Variants in DNM2 observed in about 807,000 individuals in gnomAD.
DNM2 encodes dynamin-2.
A neutral mutation model predicts 99.0 loss-of-function variants in DNM2; 15 were observed. The ratio of observed to expected loss-of-function variants is 0.15; its 90% CI spans 0.10 to 0.23. The LOEUF (loss-of-function observed/expected upper bound fraction) is 0.23, where lower values mean the gene tolerates loss of function less well. Ranked by LOEUF, DNM2 falls within the 10% of genes least tolerant of loss-of-function variation. The pLI is 1.00. For missense variants in DNM2, 742 were observed against 1,189.4 expected (o/e 0.62, Z 5.53); for synonymous variants, 525 against 481.2 (o/e 1.09, Z -1.19).
chr19:10,729,480 A>G (rs2069235259), intron 1 of DNM2, among the ~76,000 whole-genome samples: 1 of 152,116 alleles, frequency 6.6e-6, no homozygotes, highest in Admixed American at 6.6e-5. Context: ...GGTGTCCTGC[A>G]GTGGAATAGC....
intron 1 of DNM2, among the ~76,000 whole-genome samples, chr19:10,731,979 A>G (rs1284835655): frequency 5.5e-5 from 7 of 126,452 alleles, no homozygotes; most frequent in South Asian, 5.0e-4. Flanking sequence ...TTTGAGACGG[A>G]GTTTCGCTGT....
At chr19:10,722,456 C>G (rs7257661) in intron 1 of DNM2, among the ~76,000 whole-genome samples, 12,723 of 152,206 alleles carry the variant, frequency 0.084, 552 homozygotes, top group Middle Eastern at 0.11. Context: ...GGCATTCCCG[C>G]ACCCTAGCCT....
chr19:10,796,838 G>A lies in DNM2; in HGVS notation c.1197-542G>A, dbSNP rs1053637946. Among the ~76,000 whole-genome samples, 11 of 151,844 alleles carry A rather than the reference G, an allele frequency of 7.2e-5. No homozygotes were observed. Among genetic ancestry groups the A allele is most frequent in the Admixed American group, 6.5e-5 (1 of 15,270 alleles). On this transcript the variant is annotated intron_variant, in intron 9 of 20. Transcript: ENST00000389253. The surrounding 1 kb of genome is among the most constrained non-coding windows in gnomAD (Gnocchi z 5.6). ...AGGACGCGCCGGGCTCCCCCAACCCGCGCCAACGCCGCGGGCCTGGTTCCC... is the reference window on the plus strand; with the variant it reads ...AGGACGCGCCGGGCTCCCCCAACCCACGCCAACGCCGCGGGCCTGGTTCCC...
At chr19:10,753,461 TCTTC>T (rs2070275030) in intron 1 of DNM2, among the ~76,000 whole-genome samples, 2 of 140,696 alleles carry the variant, frequency 1.4e-5, no homozygotes, top group South Asian at 5.1e-4. Context: ...TTCCTTCTCT[TCTTC>T]CTTTCCTTTT....
Position 10,826,938 on chromosome 19 carries a change from C to T in DNM2, c.2058+1717C>T, listed in dbSNP as rs201507033. 1.5e-4 allele frequency among the ~76,000 whole-genome samples: 23 copies of T among 151,978 alleles called. No individual in the cohort carries two copies. In the East Asian group the frequency reaches 2.5e-3, roughly 17 times the overall value. On this transcript the variant is annotated intron_variant, in intron 18 of 20. Transcript: ENST00000389253. ...TATGAATGTCAACCACAGAAACCTG[C>T]GGATCTAAGTAAAACTCCCACACAG...
intron 1 of DNM2, among the ~76,000 whole-genome samples, chr19:10,748,422 C>T (rs1242997240): frequency 6.6e-6 from 1 of 152,154 alleles, no homozygotes; most frequent in Non-Finnish European, 1.5e-5. Flanking sequence ...TTTCTCCCCT[C>T]CCTGCCCTTT....
At chr19:10,798,144 C>T (rs1378316654) in intron 10 of DNM2, among the ~76,000 whole-genome samples, 7 of 152,176 alleles carry the variant, frequency 4.6e-5, no homozygotes, top group Non-Finnish European at 8.8e-5. Context: ...CTTCAGGGTT[C>T]CTGCTCTCAC....
chr19:10,768,322 C>T (rs956291199), intron 2 of DNM2, among the ~76,000 whole-genome samples: 1 of 152,212 alleles, frequency 6.6e-6, no homozygotes, highest in South Asian at 2.1e-4. Context: ...GGCGTGGTGG[C>T]GGGCGCCTGT....
chr19:10,794,344 C>CGTGTGTGT (rs58263525), intron 8 of DNM2, among the ~76,000 whole-genome samples: 1,559 of 141,682 alleles, frequency 0.011, 15 homozygotes, highest in Middle Eastern at 0.029. Flanking sequence ...CTTCTTTTTC[C>CGTGTGTGT]GTGTGTGTGT....
chr19:10,767,084 C>T (rs540165930), intron 2 of DNM2, among the ~76,000 whole-genome samples: 2 of 152,166 alleles, frequency 1.3e-5, no homozygotes, highest in African/African-American at 2.4e-5. Flanking sequence ...AGCTTGATGG[C>T]AGGGACCGGG....
At chr19:10,782,931 G>T in intron 5 of DNM2, 29 bp from the exon 6 acceptor site, 1 of 1,613,790 alleles carries the variant, frequency 6.2e-7, no homozygotes, top group Non-Finnish European at 8.5e-7. Flanking sequence ...ACCTAGCTTT[G>T]CCCCTGACCT....
At chr19:10,742,182 G>A (rs140939547) in intron 1 of DNM2, among the ~76,000 whole-genome samples, 105 of 152,128 alleles carry the variant, frequency 6.9e-4, no homozygotes, top group South Asian at 8.3e-4. Flanking sequence ...TTGGGGGTCC[G>A]CAGGCTTGTG....
At chr19:10,805,055 A>G (rs1192957812) in intron 12 of DNM2, among the ~76,000 whole-genome samples, 1 of 152,210 alleles carries the variant, frequency 6.6e-6, no homozygotes, top group Non-Finnish European at 1.5e-5. Flanking sequence ...AAGGTGGTGG[A>G]GTAGGTGTCC....
intron 2 of DNM2, among the ~76,000 whole-genome samples, chr19:10,760,599 C>A (rs184928717): frequency 1.2e-3 from 184 of 152,174 alleles, no homozygotes; most frequent in Non-Finnish European, 2.1e-3. Context: ...CTGCTCAATC[C>A]AATGCTATAC....
chr19:10,770,353 C>G (rs1320678608), intron 2 of DNM2, among the ~76,000 whole-genome samples: 1 of 152,094 alleles, frequency 6.6e-6, no homozygotes, highest in Non-Finnish European at 1.5e-5. Context: ...CTTCGCATCT[C>G]CGGGGTGGGT....
In DNM2 at chr19:10,820,730, G is replaced by A. The variant is rs116609352; in HGVS notation, c.1781+641G>A. 0.016 allele frequency among the ~76,000 whole-genome samples: 2,407 copies of A among 149,092 alleles called. 34 individuals are homozygous for A. The highest frequency in any genetic ancestry group is 0.023 in the Middle Eastern group (5 of 218). On this transcript the variant is annotated intron_variant, in intron 16 of 20. Coordinates refer to ENST00000389253, the MANE Select transcript of DNM2 (RefSeq NM_001005361.3). The surrounding 1 kb of genome is among the most constrained non-coding windows in gnomAD (Gnocchi z 4.3). Reference sequence around the variant, plus strand: ...CATCAGGGAGGCACCTGGGTAGATCGAGGAGTGTGATGTCCAGGAACGAGC... The same window carrying A: ...CATCAGGGAGGCACCTGGGTAGATCAAGGAGTGTGATGTCCAGGAACGAGC...
In DNM2 at chr19:10,775,711, T is replaced by C. The variant is rs2145924405; in HGVS notation, c.394T>C (p.Leu132=). ...TCTGGTTTCCCTCCCAGTGTTGAAC[T>C]TGACCCTCATCGACCTCCCGGGTAT... ...LRVYSPHVLN[L]TLIDLPGITK... is the part of the protein sequence containing the mutation. Residue 132 remains leucine (L), a synonymous_variant, in exon 4 of 21, where the codon TTG becomes CTG. Coordinates refer to ENST00000389253, the MANE Select transcript of DNM2 (RefSeq NM_001005361.3). The surrounding 1 kb of genome is among the most constrained non-coding windows in gnomAD (Gnocchi z 4.3). 6.2e-7 allele frequency: 1 copy of C among 1,614,130 alleles called. No homozygotes were observed. The highest frequency in any genetic ancestry group is 1.1e-5 in the South Asian group (1 of 91,076).
At chr19:10,799,935 C>T (rs1218495547) in intron 11 of DNM2, among the ~76,000 whole-genome samples, 1 of 152,094 alleles carries the variant, frequency 6.6e-6, no homozygotes, top group Non-Finnish European at 1.5e-5. Context: ...ACCCACGAAG[C>T]ACTGGGCCGT....
At chr19:10,788,506 C>A (rs1413514042) in intron 7 of DNM2, among the ~76,000 whole-genome samples, 1 of 152,138 alleles carries the variant, frequency 6.6e-6, no homozygotes, top group Non-Finnish European at 1.5e-5. Flanking sequence ...GTTCTGAGCG[C>A]AGGAGAGTCA....
Sources: allele counts gnomAD v4.1 joint callset (sites outside exome capture counted in the v4.1 genomes callset), GRCh38; gene constraint gnomAD v4.1.1; non-coding constraint Gnocchi (gnomAD v3.1); transcripts MANE v1.5; gene names NCBI Gene and HGNC (gene_info 2026-07-23, HGNC 2026-07-21).